The following IPCEF1 variants were observed in gnomAD, a reference collection of about 807,000 sequenced individuals.
IPCEF1 encodes the protein interaction protein for cytohesin exchange factors 1, also known as interactor protein for cytohesin exchange factors 1.
Under a neutral mutation model 50.9 loss-of-function variants are expected in IPCEF1, and 31 were observed. The observed-to-expected ratio is 0.61, with a 90% CI of 0.46 to 0.82. IPCEF1 has a LOEUF of 0.82. Among genes scored for constraint, IPCEF1 ranks in the 40% least tolerant of loss-of-function variants. IPCEF1 has a pLI of 0.00. For missense variants in IPCEF1, 458 were observed against 514.0 expected (o/e 0.89, Z 1.05); for synonymous variants, 181 against 192.0 (o/e 0.94, Z 0.47).
intron 3 of IPCEF1, among the ~76,000 whole-genome samples, chr6:154,263,420 A>C (rs1235586418): frequency 2.9e-5 from 4 of 136,670 alleles, no homozygotes; most frequent in East Asian, 4.1e-4. Context: ...GTCCCTGGGT[A>C]CTTGAGATTA....
At chr6:154,296,662 T>C (rs939525734) in intron 1 of IPCEF1, among the ~76,000 whole-genome samples, 1 of 151,876 alleles carries the variant, frequency 6.6e-6, no homozygotes. Context: ...ACCCCATCTC[T>C]ACTAAAAATA....
intron 6 of IPCEF1, among the ~76,000 whole-genome samples, chr6:154,222,249 C>T (rs1044962948): frequency 6.6e-6 from 1 of 152,244 alleles, no homozygotes; most frequent in South Asian, 2.1e-4. Context: ...AGTCCTGCAG[C>T]ACGGCACAGG....
At chr6:154,301,181 T>C (rs1782786038) in intron 1 of IPCEF1, among the ~76,000 whole-genome samples, 1 of 145,058 alleles carries the variant, frequency 6.9e-6, no homozygotes, top group African/African-American at 2.9e-5. Flanking sequence ...GTTAAAATCA[T>C]TGTTGTCGTA....
At position 154,296,445 on chromosome 6, in the gene IPCEF1, G is replaced by A. The variant is rs566722448; in HGVS notation, c.-61-6689C>T. Among the ~76,000 whole-genome samples, 32 of 152,320 alleles carry A rather than the reference G, an allele frequency of 2.1e-4. No individual in the cohort carries two copies. The South Asian group carries it at 6.4e-3, about 31-fold the overall frequency. On this transcript the variant is annotated intron_variant, in intron 1 of 11. Coordinates refer to ENST00000367220, the MANE Select transcript of IPCEF1 (RefSeq NM_001130700.2). ...GCATGCCCTAGAAACTCCCAGGCTA[G>A]AGATTCATTTTTGGCAACTACCAAC...
At chr6:154,197,970 A>G (rs925646912) in intron 10 of IPCEF1, among the ~76,000 whole-genome samples, 2 of 152,178 alleles carry the variant, frequency 1.3e-5, no homozygotes, top group African/African-American at 4.8e-5. Flanking sequence ...GTCTCTTCTA[A>G]GCATCAAGAT....
chr6:154,322,373 AACACACACACAC>A (rs3039689), intron 1 of IPCEF1, among the ~76,000 whole-genome samples: 13 of 123,720 alleles, frequency 1.1e-4, no homozygotes, highest in African/African-American at 3.0e-4. Flanking sequence ...AAAAATTTTA[AACACACACACAC>A]ACACACACAC....
intron 9 of IPCEF1, among the ~76,000 whole-genome samples, chr6:154,203,334 C>T (rs538170355): frequency 1.4e-4 from 22 of 152,316 alleles, no homozygotes; most frequent in African/African-American, 4.8e-4. Context: ...TTGCCTGGTG[C>T]TTCTGCGGTT....
chr6:154,176,533 A>G (rs1466061040), intron 10 of IPCEF1, among the ~76,000 whole-genome samples: 1 of 152,132 alleles, frequency 6.6e-6, no homozygotes, highest in Non-Finnish European at 1.5e-5. Flanking sequence ...CCAATAACAG[A>G]CAGAGAGCCA....
intron 11 of IPCEF1, among the ~76,000 whole-genome samples, 166 bp from the exon 12 acceptor site, chr6:154,160,206 T>C (rs1000980100): frequency 1.3e-5 from 2 of 152,264 alleles, no homozygotes; most frequent in African/African-American, 4.8e-5. Flanking sequence ...ATACGACATT[T>C]GTTTGCATAC....
intron 9 of IPCEF1, among the ~76,000 whole-genome samples, chr6:154,200,911 C>T (rs1218143632): frequency 2.0e-5 from 3 of 152,150 alleles, no homozygotes; most frequent in Non-Finnish European, 4.4e-5. Flanking sequence ...CAAATCTCAC[C>T]TCGAATTGTA....
intron 9 of IPCEF1, among the ~76,000 whole-genome samples, chr6:154,207,348 G>C (rs1384932017): frequency 6.6e-6 from 1 of 152,174 alleles, no homozygotes; most frequent in Non-Finnish European, 1.5e-5. Context: ...TGAGGAGAAA[G>C]GGTGAATTTT....
intron 2 of IPCEF1, among the ~76,000 whole-genome samples, chr6:154,284,599 T>C (rs1782310559): frequency 1.3e-5 from 2 of 152,136 alleles, no homozygotes; most frequent in Admixed American, 1.3e-4. Flanking sequence ...GACATGGTGG[T>C]GTTGCAGGAT....
intron 2 of IPCEF1, among the ~76,000 whole-genome samples, chr6:154,288,667 C>CAAAAAAAA (rs552235190): frequency 8.9e-6 from 1 of 112,644 alleles, no homozygotes; most frequent in Non-Finnish European, 1.9e-5. Flanking sequence ...GTCTAAAAAA[C>CAAAAAAAA]AAAAAAAACA....
chr6:154,162,688 C>T (rs554362918), intron 11 of IPCEF1, among the ~76,000 whole-genome samples: 9 of 129,906 alleles, frequency 6.9e-5, no homozygotes, highest in African/African-American at 2.6e-4. Flanking sequence ...CAGCTTGTAT[C>T]CTGTTCTCTG....
At chr6:154,333,653 C>T (rs1783723878) in intron 1 of IPCEF1, among the ~76,000 whole-genome samples, 1 of 149,316 alleles carries the variant, frequency 6.7e-6, no homozygotes, top group Non-Finnish European at 1.5e-5. Flanking sequence ...TACATGTATA[C>T]ATATATGTGT....
chr6:154,344,076 TCCTCCTCTAG>T (rs536417777), intron 1 of IPCEF1, among the ~76,000 whole-genome samples: 183 of 152,246 alleles, frequency 1.2e-3, no homozygotes, highest in African/African-American at 4.3e-3. Context: ...ATCAGACACC[TCCTCCTCTAG>T]CCTCCTCATA....
At chr6:154,228,231 C>A (rs557117968) in intron 5 of IPCEF1, among the ~76,000 whole-genome samples, 1 of 151,792 alleles carries the variant, frequency 6.6e-6, no homozygotes, top group Non-Finnish European at 1.5e-5. Flanking sequence ...TTTGGGAGGC[C>A]GAGGCAGAAA....
chr6:154,236,611 T>C (rs1177680052), intron 5 of IPCEF1, among the ~76,000 whole-genome samples: 1 of 152,236 alleles, frequency 6.6e-6, no homozygotes, highest in Non-Finnish European at 1.5e-5. Flanking sequence ...CAGTGAAGAA[T>C]GAAAATGCAT....
intron 10 of IPCEF1, among the ~76,000 whole-genome samples, chr6:154,176,040 T>A (rs1373547055): frequency 6.6e-6 from 1 of 152,156 alleles, no homozygotes; most frequent in African/African-American, 2.4e-5. Context: ...ATAGACATAA[T>A]CTATCACATA....
Sources: gnomAD v4.1 joint callset for allele counts (sites outside exome capture counted in the v4.1 genomes callset) on GRCh38, gnomAD v4.1.1 for gene constraint, MANE v1.5 for transcripts, NCBI Gene and HGNC (gene_info 2026-07-23, HGNC 2026-07-21) for gene names.